FMN1: variants seen among roughly 807,000 people sequenced by gnomAD.
The protein encoded by FMN1 is formin-1.
A neutral mutation model predicts 132.4 loss-of-function variants in FMN1; 110 were observed. That is an observed-to-expected ratio of 0.83 (90% CI 0.71 to 0.97). The LOEUF is 0.97. FMN1 is among the 50% of genes least tolerant of loss of function. The pLI, the probability that FMN1 is intolerant of heterozygous loss-of-function variation, is 0.00. For missense variants in FMN1, 1,792 were observed against 1,705.3 expected, an observed-to-expected ratio of 1.05 and a Z score of -0.90; for synonymous variants, 722 against 651.7, an observed-to-expected ratio of 1.11 and a Z score of -1.64.
At chr15:33,029,736 T>C (rs574916715) in intron 6 of FMN1, among the ~76,000 whole-genome samples, 9 of 151,752 alleles carry the variant, frequency 5.9e-5, no homozygotes, top group Admixed American at 3.3e-4. Context: ...CAGCAAGAGC[T>C]GACAGACACA....
chr15:33,091,660 C>T (rs985429543), intron 4 of FMN1, among the ~76,000 whole-genome samples: 3 of 152,244 alleles, frequency 2.0e-5, no homozygotes, highest in East Asian at 1.9e-4. Flanking sequence ...AACATTCTGA[C>T]GACCACAATG....
chr15:32,942,518 G>A (rs960060742), intron 9 of FMN1, among the ~76,000 whole-genome samples: 2 of 152,220 alleles, frequency 1.3e-5, no homozygotes, highest in Non-Finnish European at 2.9e-5. Flanking sequence ...CTGGAAGTCT[G>A]CTCAGCCAAG....
At chr15:32,976,733 G>C (rs1385721075) in intron 7 of FMN1, among the ~76,000 whole-genome samples, 1 of 152,144 alleles carries the variant, frequency 6.6e-6, no homozygotes, top group East Asian at 1.9e-4. Context: ...GGAAAAGAAG[G>C]GGTAAAGAGT....
Position 33,152,989 on chromosome 15 carries a change from G to A in FMN1, c.1867+59C>T, listed in dbSNP as rs967309484. 1.5e-5 allele frequency: 21 copies of A among 1,425,526 alleles called. No homozygotes were observed. The African/African-American group carries it at 1.9e-4, about 13-fold the overall frequency. 88.3% of individuals were successfully genotyped at this position (1,425,526 alleles called of 1,614,324 possible). The stretch of plus-strand genomic sequence containing the variant: ...AGTCAGTTTCTAAGTAGCACAGGCA[G>A]ACTGATAGTTCCCCAATCAGCCAAG... On this transcript the variant is annotated intron_variant, in intron 4 of 20. Transcript: ENST00000616417.
chr15:32,943,737 G>C (rs1177201375), intron 9 of FMN1, among the ~76,000 whole-genome samples: 2 of 152,168 alleles, frequency 1.3e-5, no homozygotes, highest in Non-Finnish European at 2.9e-5. Flanking sequence ...AGCTGCATTA[G>C]AGAGCAGTAT....
intron 3 of FMN1, among the ~76,000 whole-genome samples, chr15:33,178,544 T>G (rs1043716480): frequency 6.6e-6 from 1 of 152,212 alleles, no homozygotes; most frequent in African/African-American, 2.4e-5. Context: ...CTATTCCTCA[T>G]AGTCTTGAAG....
intron 19 of FMN1, among the ~76,000 whole-genome samples, chr15:32,794,807 T>C (rs1450674681): frequency 4.6e-5 from 7 of 152,106 alleles, no homozygotes; most frequent in Non-Finnish European, 7.4e-5. Context: ...AAATAAACCT[T>C]GGATTATGAT....
At chr15:32,776,728 G>C (rs571299281) in intron 20 of FMN1, 107 bp downstream of exon 20, 1 of 612,990 alleles carries the variant, frequency 1.6e-6, no homozygotes, top group South Asian at 2.2e-5. Flanking sequence ...CTCTGGGATG[G>C]GAACTGAGAA....
Position 32,902,033 on chromosome 15 carries a change from G to A in FMN1, c.3385C>T (p.His1129Tyr), listed in dbSNP as rs1403783149. The change falls in exon 13 of 21, where the codon CAT becomes TAT. Residue 1129 changes from histidine (H) to tyrosine (Y), a missense_variant. His to Tyr is a moderately conservative substitution (Grantham distance 83, BLOSUM62 2). Around this residue, in one of 3 missense-constraint regions of FMN1, gnomAD observed 1,150 missense variants for 1,043.1 expected, o/e 1.10. Transcript: ENST00000616417. ...KLLDKPEQFLHELAQIPNFAE... is the reference protein window; with the variant it reads ...KLLDKPEQFLYELAQIPNFAE... Reference sequence around the variant, plus strand: ...AAATTAGGAATCTGGGCTAACTCATGTAAAAATCTGTAAAAAAGAAAATGT... The same window carrying A: ...AAATTAGGAATCTGGGCTAACTCATATAAAAATCTGTAAAAAAGAAAATGT... 3.7e-6 allele frequency: 6 copies of A among 1,604,604 alleles called. No individual in the cohort carries two copies. Among genetic ancestry groups the A allele is most frequent in the Non-Finnish European group, 5.1e-6 (6 of 1,176,876 alleles).
chr15:32,798,202 A>C lies in FMN1; in HGVS notation c.4130+602T>G, dbSNP rs201263830. 3.0e-5 allele frequency among the ~76,000 whole-genome samples: 4 copies of C among 133,118 alleles called. No individual in the cohort carries two copies. In the South Asian group the frequency reaches 7.3e-4, roughly 24 times the overall value. 87.3% of individuals were successfully genotyped at this position (133,118 alleles called of 152,430 possible). ...CGCACACACACACACACACACACAC[A>C]CACACACACACACACCCCGTCTATA... On this transcript the variant is annotated intron_variant, in intron 19 of 20. Transcript: ENST00000616417.
At chr15:32,981,552 T>A (rs1358311340) in intron 7 of FMN1, among the ~76,000 whole-genome samples, 32 of 144,764 alleles carry the variant, frequency 2.2e-4, no homozygotes, top group African/African-American at 7.1e-4. Context: ...TAATTATTAT[T>A]ATTATTATTA....
rs1190805379 is a variant in FMN1, at chr15:32,771,388, T to G, written c.*2922A>C. On this transcript the variant is annotated 3_prime_UTR_variant, in exon 21 of 21. Coordinates refer to ENST00000616417, the MANE Select transcript of FMN1 (RefSeq NM_001277313.2). ...GCCACCACGCCCGGCCCGGGCCTGA[T>G]GCTTTTTACCTAACGTGTCTGTAGT... 1 of 146,870 alleles carries G rather than the reference T, an allele frequency of 6.8e-6. No individual in the cohort carries two copies. The highest frequency in any genetic ancestry group is 2.5e-5 in the African/African-American group (1 of 39,608). The allele number at this position is 146,870 out of a possible 1,614,324, so 9.1% of individuals were successfully genotyped here.
chr15:33,127,722 G>C (rs917436031), intron 4 of FMN1, among the ~76,000 whole-genome samples: 1 of 152,212 alleles, frequency 6.6e-6, no homozygotes, highest in Non-Finnish European at 1.5e-5. Context: ...TGTGGTTTCA[G>C]GCAGGTTATA....
intron 6 of FMN1, 87 bp from the exon 7 acceptor site, chr15:33,008,162 C>G: frequency 1.9e-6 from 2 of 1,034,288 alleles, no homozygotes; most frequent in East Asian, 2.6e-5. Context: ...AATAAACTGA[C>G]TAAAATAAAT....
chr15:32,933,201 T>C (rs1465139270), intron 9 of FMN1, among the ~76,000 whole-genome samples: 9 of 152,306 alleles, frequency 5.9e-5, no homozygotes, highest in East Asian at 5.8e-4. Flanking sequence ...CACAAGATAT[T>C]TTCCAATTTC....
chr15:32,913,339 T>C (rs142176683), intron 10 of FMN1, among the ~76,000 whole-genome samples: 33 of 152,286 alleles, frequency 2.2e-4, no homozygotes, highest in African/African-American at 7.5e-4. Context: ...TTTAAAAACA[T>C]GGATTTCAAA....
At chr15:32,778,860 T>G (rs1280202067) in intron 19 of FMN1, among the ~76,000 whole-genome samples, 2 of 152,084 alleles carry the variant, frequency 1.3e-5, no homozygotes, top group African/African-American at 4.8e-5. Flanking sequence ...TATAAAAATT[T>G]GCATATGAAT....
chr15:33,009,326 A>C (rs2140950432), intron 6 of FMN1, among the ~76,000 whole-genome samples: 1 of 152,300 alleles, frequency 6.6e-6, no homozygotes, highest in Admixed American at 6.5e-5. Context: ...TGCTCATCAA[A>C]GCAGACTGAG....
chr15:32,851,141 T>C (rs750628683), intron 17 of FMN1, among the ~76,000 whole-genome samples: 8 of 152,192 alleles, frequency 5.3e-5, no homozygotes, highest in African/African-American at 1.9e-4. Context: ...AATAGTTTCA[T>C]AGACTAGGGC....
Sources: gnomAD v4.1 joint callset for allele counts (sites outside exome capture counted in the v4.1 genomes callset) on GRCh38, gnomAD v4.1.1 for gene constraint, gnomAD v4.1.1 regional missense constraint, MANE v1.5 for transcripts, NCBI Gene and HGNC (gene_info 2026-07-23, HGNC 2026-07-21) for gene names.